TTC29: variants seen among roughly 807,000 people sequenced by gnomAD.
TTC29 encodes tetratricopeptide repeat domain 29.
In TTC29, 49 loss-of-function variants were observed where a neutral mutation model predicts 58.1. The observed-to-expected ratio is 0.84, with a 90% CI of 0.67 to 1.07. TTC29 has a LOEUF of 1.07. Among genes scored for constraint, TTC29 ranks in the 50% least tolerant of loss-of-function variants. The pLI is 0.00. For missense variants in TTC29, 582 were observed against 555.6 expected, an observed-to-expected ratio of 1.05 and a Z score of -0.48; for synonymous variants, 209 against 196.8, an observed-to-expected ratio of 1.06 and a Z score of -0.52.
rs376151149 is a variant in TTC29 at position 146,867,642 on chromosome 4, C to G, written c.800-59G>C. 158 of 804,766 alleles carry G rather than the reference C, an allele frequency of 2.0e-4. No homozygotes were observed. The African/African-American group carries it at 2.8e-3, about 14-fold the overall frequency. The allele number at this position is 804,766 out of a possible 1,614,324, so 49.9% of individuals were successfully genotyped here. A position where few individuals can be genotyped will look rare whatever the true frequency, so the allele number is the denominator to read the frequency against. ...TCAATAAATGATTTATTACAACAAA[C>G]AGAATCCTTGCTTTTCAAGACAGTA... On this transcript the variant is annotated intron_variant, in intron 7 of 12. Coordinates refer to ENST00000325106, the MANE Select transcript of TTC29 (RefSeq NM_031956.4).
At chr4:146,813,080 C>T (rs981693482) in intron 10 of TTC29, 4 of 152,156 alleles carry the variant, frequency 2.6e-5, no homozygotes, top group Non-Finnish European at 5.9e-5. Flanking sequence ...CTTGGAACAA[C>T]GCTCGAATTA....
chr4:146,897,004 T>C (rs1222808625), intron 6 of TTC29, among the ~76,000 whole-genome samples: 1 of 152,190 alleles, frequency 6.6e-6, no homozygotes, highest in African/African-American at 2.4e-5. Context: ...ATGCTTAGTT[T>C]TTCTTTCATC....
At chr4:146,811,559 T>C (rs944625290) in intron 10 of TTC29, among the ~76,000 whole-genome samples, 2 of 152,090 alleles carry the variant, frequency 1.3e-5, no homozygotes, top group Non-Finnish European at 2.9e-5. Context: ...AACATGCATG[T>C]GCACTCTTTT....
At chr4:146,743,095 C>A (rs1745283203) in intron 11 of TTC29, among the ~76,000 whole-genome samples, 1 of 151,700 alleles carries the variant, frequency 6.6e-6, no homozygotes, top group African/African-American at 2.4e-5. Context: ...CTTGTCCTGC[C>A]AGGAAGGGCC....
rs80285796 is a variant in TTC29, at chr4:146,938,383, A to G, written c.93-706T>C. On this transcript the variant is annotated intron_variant, in intron 3 of 12. Transcript: ENST00000325106. Reference sequence around the variant, plus strand: ...TGCCTTTTGTGGGTATGATAAAAATATTTTTCTTCAATAAAATGAATACAA... The same window carrying G: ...TGCCTTTTGTGGGTATGATAAAAATGTTTTTCTTCAATAAAATGAATACAA... Among the ~76,000 whole-genome samples, 336 of 152,240 alleles carry G rather than the reference A, an allele frequency of 2.2e-3. 5 individuals carry two copies. The East Asian group carries it at 0.042, about 19-fold the overall frequency.
chr4:146,885,493 C>T (rs73852731), intron 6 of TTC29, among the ~76,000 whole-genome samples: 11,662 of 151,936 alleles, frequency 0.077, 1,504 homozygotes, highest in African/African-American at 0.27. Context: ...TTTATTAGAA[C>T]GACATTCCAT....
intron 9 of TTC29, among the ~76,000 whole-genome samples, chr4:146,828,489 TATTA>T (rs1727955973): frequency 6.6e-6 from 1 of 152,076 alleles, no homozygotes; most frequent in African/African-American, 2.4e-5. Context: ...AAATTATTAT[TATTA>T]ATTATTTAGC....
chr4:146,881,467 T>G (rs896298358), intron 6 of TTC29, among the ~76,000 whole-genome samples: 1 of 152,150 alleles, frequency 6.6e-6, no homozygotes, highest in African/African-American at 2.4e-5. Context: ...TTATATTACA[T>G]TTTAATCTAG....
intron 4 of TTC29, among the ~76,000 whole-genome samples, chr4:146,933,608 G>T (rs1288699380): frequency 6.6e-6 from 1 of 152,216 alleles, no homozygotes. Flanking sequence ...ACCATTTGAA[G>T]TTCACTGCTA....
At chr4:146,918,981 T>C (rs1734412854) in intron 4 of TTC29, among the ~76,000 whole-genome samples, 1 of 151,156 alleles carries the variant, frequency 6.6e-6, no homozygotes, top group South Asian at 2.1e-4. Context: ...ACTTCTCTAG[T>C]AGTCTGGTAA....
At chr4:146,804,109 G>A (rs1341787392) in intron 10 of TTC29, among the ~76,000 whole-genome samples, 1 of 152,174 alleles carries the variant, frequency 6.6e-6, no homozygotes, top group East Asian at 1.9e-4. Context: ...AGCTGAAGCA[G>A]GGTGGGGCAT....
At chr4:146,894,348 C>T (rs1732607097) in intron 6 of TTC29, among the ~76,000 whole-genome samples, 1 of 151,728 alleles carries the variant, frequency 6.6e-6, no homozygotes, top group Non-Finnish European at 1.5e-5. Flanking sequence ...TACTATGCAG[C>T]CATAAAAAAT....
At chr4:146,751,210 A>G (rs1475738509) in intron 11 of TTC29, among the ~76,000 whole-genome samples, 1 of 152,252 alleles carries the variant, frequency 6.6e-6, no homozygotes, top group Non-Finnish European at 1.5e-5. Context: ...ACCTTAATAC[A>G]TAAAGCAAAT....
rs548565770 is a variant in TTC29 at position 146,707,049 on chromosome 4, C to T, written c.*109G>A. On this transcript the variant is annotated 3_prime_UTR_variant, in exon 13 of 13. Transcript: ENST00000325106. ...AAATCCAATGAAAAGAGTCATAGTCCGTTTTATTATAACTCTATATTATCT... is the reference window on the plus strand; with the variant it reads ...AAATCCAATGAAAAGAGTCATAGTCTGTTTTATTATAACTCTATATTATCT... The T allele has an allele frequency of 2.3e-5, 17 of 739,444 alleles. No homozygotes were observed. The highest frequency in any genetic ancestry group is 6.6e-4 in the Middle Eastern group (2 of 3,026). The allele number at this position is 739,444 out of a possible 1,614,324, so 45.8% of individuals were successfully genotyped here. A position where few individuals can be genotyped will look rare whatever the true frequency, so the allele number is the denominator to read the frequency against.
At chr4:146,807,417 C>T (rs759901258) in intron 10 of TTC29, among the ~76,000 whole-genome samples, 2 of 151,926 alleles carry the variant, frequency 1.3e-5, no homozygotes, top group African/African-American at 2.4e-5. Context: ...GACAGAGACA[C>T]AAAAAACCCT....
chr4:146,853,324 TA>T (rs1009154956), intron 8 of TTC29, among the ~76,000 whole-genome samples: 2 of 152,160 alleles, frequency 1.3e-5, no homozygotes, highest in African/African-American at 4.8e-5. Context: ...ATTTATGCAC[TA>T]CATATATATG....
chr4:146,758,874 C>T (rs1746655503), intron 11 of TTC29, among the ~76,000 whole-genome samples: 1 of 152,054 alleles, frequency 6.6e-6, no homozygotes, highest in African/African-American at 2.4e-5. Context: ...CCCTAAACAC[C>T]TACATCAAAA....
intron 11 of TTC29, among the ~76,000 whole-genome samples, chr4:146,801,014 C>T (rs1043300290): frequency 2.0e-5 from 3 of 151,996 alleles, no homozygotes; most frequent in Non-Finnish European, 4.4e-5. Context: ...CCTAGCAAAA[C>T]GGGCAAGATT....
Position 146,726,325 on chromosome 4 carries a change from C to T in TTC29, c.1331-18774G>A, listed in dbSNP as rs368415923. On this transcript the variant is annotated intron_variant, in intron 11 of 12. Coordinates refer to ENST00000325106, the MANE Select transcript of TTC29 (RefSeq NM_031956.4). The stretch of plus-strand genomic sequence containing the variant: ...AAAAGTAGGTGGGTGTGGTGGTGCA[C>T]GCCTGTAATCCCCGCTACTCAGAAG... 6.5e-4 allele frequency among the ~76,000 whole-genome samples: 99 copies of T among 152,120 alleles called. 2 individuals carry two copies. In the South Asian group the frequency reaches 0.018, roughly 28 times the overall value.
Sources: gnomAD v4.1 joint callset for allele counts (sites outside exome capture counted in the v4.1 genomes callset) on GRCh38, gnomAD v4.1.1 for gene constraint, MANE v1.5 for transcripts, NCBI Gene and HGNC (gene_info 2026-07-23, HGNC 2026-07-21) for gene names.